DNAAF5: variants seen among roughly 807,000 people sequenced by gnomAD.
DNAAF5 encodes HEAT repeat containing 2.
DNAAF5 carries 64 observed loss-of-function variants against 75.8 expected under a neutral mutation model. That is an observed-to-expected ratio of 0.84 (90% confidence interval 0.69 to 1.04). The LOEUF is 1.04. Ranked by LOEUF, DNAAF5 falls within the 50% of genes least tolerant of loss-of-function variation. DNAAF5 has a pLI of 0.00. For synonymous variants in DNAAF5, 657 were observed against 557.2 expected, an observed-to-expected ratio of 1.18 and a Z score of -2.52; for missense variants, 1,269 against 1,178.5, an observed-to-expected ratio of 1.08 and a Z score of -1.12.
chr7:757,132 G>T, intron 6 of DNAAF5, 138 bp downstream of exon 6: 1 of 810,574 alleles, frequency 1.2e-6, no homozygotes, highest in Non-Finnish European at 1.9e-6. Flanking sequence ...CGTGTCTGTG[G>T]GTCCGCCCCG....
intron 12 of DNAAF5, among the ~76,000 whole-genome samples, chr7:780,815 C>CTTTTTTTTTCTTTTTT (rs1562402996): frequency 7.1e-6 from 1 of 141,248 alleles, no homozygotes; most frequent in African/African-American, 2.6e-5. Flanking sequence ...TAACGATTTG[C>CTTTTTTTTTCTTTTTT]TTTTTTTTTT....
At chr7:757,091 G>T (rs546077605) in intron 6 of DNAAF5, 97 bp downstream of exon 6, 3 of 1,205,112 alleles carry the variant, frequency 2.5e-6, no homozygotes, top group Non-Finnish European at 3.4e-6. Context: ...GCCCTGTGCC[G>T]CCAGGCTGGG....
At chr7:776,352 A>G (rs1363672940) in intron 11 of DNAAF5, among the ~76,000 whole-genome samples, 3 of 152,194 alleles carry the variant, frequency 2.0e-5, no homozygotes, top group African/African-American at 7.2e-5. Context: ...AAAAGAAAAT[A>G]GAAAATGCTC....
At chr7:764,043 G>C in intron 8 of DNAAF5, 69 bp downstream of exon 8, 1 of 1,550,602 alleles carries the variant, frequency 6.4e-7, no homozygotes, top group Admixed American at 1.7e-5. Flanking sequence ...TCCCCCAGGT[G>C]CTCAGCAGGT....
chr7:728,832 G>A (rs1781457793), intron 1 of DNAAF5, among the ~76,000 whole-genome samples: 1 of 152,054 alleles, frequency 6.6e-6, no homozygotes, highest in South Asian at 2.1e-4. Flanking sequence ...CCTCTCCCCT[G>A]GGTGGGGGGC....
intron 12 of DNAAF5, among the ~76,000 whole-genome samples, chr7:782,990 C>T (rs1779024905): frequency 1.3e-5 from 2 of 152,262 alleles, no homozygotes; most frequent in Non-Finnish European, 2.9e-5. Flanking sequence ...GTCAGAAACT[C>T]TCCTGCGTGG....
At position 726,764 on chromosome 7, in the gene DNAAF5, C is replaced by A; in HGVS notation, c.44C>A (p.Pro15Gln). 7.9e-7 allele frequency: 1 copy of A among 1,258,872 alleles called. No homozygotes were observed. The highest frequency in any genetic ancestry group is 1.0e-6 in the Non-Finnish European group (1 of 1,003,784). The allele number at this position is 1,258,872 out of a possible 1,614,324, so 78.0% of individuals were successfully genotyped here. A position where few individuals can be genotyped will look rare whatever the true frequency, so the allele number is the denominator to read the frequency against. The change falls in exon 1 of 13, where the codon CCG (proline) becomes CAG (glutamine). Residue 15 changes from proline to glutamine, a missense_variant. Pro to Gln is a moderately conservative substitution (Grantham distance 76). Coordinates refer to ENST00000297440, the MANE Select transcript of DNAAF5 (RefSeq NM_017802.4). Reference sequence around the variant, plus strand: ...GCGGAGGCCGTGGCGGCCCCACACCCGGCTGAGGGGGCCGAGACGGCTGAG... The same window carrying A: ...GCGGAGGCCGTGGCGGCCCCACACCAGGCTGAGGGGGCCGAGACGGCTGAG... ...GVAEAVAAPH[P>Q]AEGAETAEAV...
rs116696951 is a variant in DNAAF5, at chr7:752,890, T to A, written c.1025-1699T>A. ...CAGGAAAACAATCCATTTTTTTAAA[T>A]GGGCAGAAAACAATTTGGAAAGACC... On this transcript the variant is annotated intron_variant, in intron 4 of 12. Transcript: ENST00000297440. Among the ~76,000 whole-genome samples the A allele has an allele frequency of 2.6e-5, 4 of 152,306 alleles. No homozygotes were observed. The South Asian group carries it at 8.3e-4, about 32-fold the overall frequency.
intron 9 of DNAAF5, among the ~76,000 whole-genome samples, chr7:773,395 T>C (rs559647578): frequency 6.6e-6 from 1 of 151,906 alleles, no homozygotes; most frequent in Non-Finnish European, 1.5e-5. Flanking sequence ...AAACATACCG[T>C]GGTGTTGGGA....
intron 2 of DNAAF5, among the ~76,000 whole-genome samples, chr7:738,048 AGATTTGCCCCTTTGAG>A (rs1781790682): frequency 6.6e-6 from 1 of 152,188 alleles, no homozygotes; most frequent in Non-Finnish European, 1.5e-5. Context: ...AGGAACTCTT[AGATTTGCCCCTTTGAG>A]GCTATTTTCC....
chr7:729,368 C>G (rs1781486284), intron 1 of DNAAF5, among the ~76,000 whole-genome samples: 1 of 152,212 alleles, frequency 6.6e-6, no homozygotes, highest in Admixed American at 6.5e-5. Context: ...GCTCTCTGGT[C>G]TTCAGCCACA....
At chr7:783,062 T>G (rs1779027958) in intron 12 of DNAAF5, among the ~76,000 whole-genome samples, 1 of 152,242 alleles carries the variant, frequency 6.6e-6, no homozygotes, top group Non-Finnish European at 1.5e-5. Flanking sequence ...CATTGTGATT[T>G]TTTGTGTGAG....
chr7:777,593 A>T (rs116419152), intron 11 of DNAAF5, among the ~76,000 whole-genome samples: 1 of 152,140 alleles, frequency 6.6e-6, no homozygotes, highest in Non-Finnish European at 1.5e-5. Context: ...GGAAGCGGCC[A>T]CTCAGGCGTT....
At chr7:772,523 A>G (rs1487073414) in intron 9 of DNAAF5, 1 of 152,146 alleles carries the variant, frequency 6.6e-6, no homozygotes, top group African/African-American at 2.4e-5. Context: ...CCCACAGTGG[A>G]CCTCGAGTCC....
intron 2 of DNAAF5, among the ~76,000 whole-genome samples, chr7:730,868 C>T (rs1781541918): frequency 6.6e-6 from 1 of 152,226 alleles, no homozygotes; most frequent in Non-Finnish European, 1.5e-5. Context: ...CTGGCCGGCC[C>T]CTCCTGGAGC....
intron 6 of DNAAF5, among the ~76,000 whole-genome samples, chr7:758,506 G>A (rs374684981): frequency 2.6e-5 from 4 of 152,208 alleles, no homozygotes; most frequent in Non-Finnish European, 4.4e-5. Context: ...TCCAGGCTGC[G>A]AACGTGTGTC....
intron 11 of DNAAF5, among the ~76,000 whole-genome samples, chr7:777,428 A>T (rs1254393229): frequency 6.6e-6 from 1 of 152,192 alleles, no homozygotes; most frequent in African/African-American, 2.4e-5. Context: ...ACATCCACTA[A>T]AAAACAAGTT....
At chr7:735,859 C>A (rs1781727738) in intron 2 of DNAAF5, among the ~76,000 whole-genome samples, 1 of 151,952 alleles carries the variant, frequency 6.6e-6, no homozygotes, top group Admixed American at 6.6e-5. Context: ...CTTTACGATG[C>A]AGTGTTAGGT....
intron 2 of DNAAF5, among the ~76,000 whole-genome samples, chr7:730,738 G>A (rs1180744088): frequency 6.6e-6 from 1 of 152,230 alleles, no homozygotes; most frequent in African/African-American, 2.4e-5. Context: ...TCTCCCTCCA[G>A]CAGCAGAGTG....
Sources: gnomAD v4.1 joint callset for allele counts (sites outside exome capture counted in the v4.1 genomes callset) on GRCh38, gnomAD v4.1.1 for gene constraint, MANE v1.5 for transcripts, NCBI Gene and HGNC (gene_info 2026-07-23, HGNC 2026-07-21) for gene names.